THSD7B: variants seen among roughly 807,000 people sequenced by gnomAD.
The protein encoded by THSD7B is thrombospondin type 1 domain containing 7B, also known as thrombospondin type-1 domain-containing protein 7B.
Under a neutral mutation model 213.6 loss-of-function variants are expected in THSD7B, and 138 were observed. That is an observed-to-expected ratio of 0.65 (90% CI 0.56 to 0.74). The LOEUF (loss-of-function observed/expected upper bound fraction) is 0.74, where lower values mean the gene tolerates loss of function less well. Among genes scored for constraint, THSD7B ranks in the 30% least tolerant of loss-of-function variants. The probability of loss-of-function intolerance (pLI) is 0.00; values close to 1 mark genes in which losing one functional copy is unlikely to be tolerated. For synonymous variants in THSD7B, 742 were observed against 687.0 expected (o/e 1.08, Z -1.25); for missense variants, 1,931 against 1,991.5 (o/e 0.97, Z 0.58).
intron 12 of THSD7B, among the ~76,000 whole-genome samples, chr2:137,355,112 A>G (rs903564538): frequency 6.6e-6 from 1 of 152,196 alleles, no homozygotes; most frequent in African/African-American, 2.4e-5. Context: ...AGAAGTAATC[A>G]TGAATGAATA....
At chr2:137,162,598 A>T (rs1680040262) in intron 6 of THSD7B, among the ~76,000 whole-genome samples, 1 of 152,138 alleles carries the variant, frequency 6.6e-6, no homozygotes, top group Non-Finnish European at 1.5e-5. Context: ...TGTTAAATAG[A>T]TGTTTACTAA....
chr2:137,464,525 C>T (rs1262163247), intron 15 of THSD7B, among the ~76,000 whole-genome samples: 7 of 151,964 alleles, frequency 4.6e-5, no homozygotes, highest in African/African-American at 1.7e-4. Flanking sequence ...ACCTGAAGGG[C>T]CAGGGAGCTG....
chr2:137,109,063 A>G (rs1688302077), intron 4 of THSD7B, among the ~76,000 whole-genome samples: 2 of 152,294 alleles, frequency 1.3e-5, no homozygotes, highest in South Asian at 2.1e-4. Context: ...TCCACCTTCA[A>G]AATATATCCC....
intron 2 of THSD7B, among the ~76,000 whole-genome samples, chr2:136,968,202 A>T (rs955245122): frequency 6.6e-6 from 1 of 152,134 alleles, no homozygotes; most frequent in African/African-American, 2.4e-5. Context: ...AACGTGATGA[A>T]ACTAATTTAC....
chr2:137,077,943 G>T (rs1573808428), intron 3 of THSD7B, among the ~76,000 whole-genome samples: 1 of 152,130 alleles, frequency 6.6e-6, no homozygotes, highest in East Asian at 1.9e-4. Context: ...TTCTTCTAGG[G>T]TTTTTATGGT....
At chr2:137,189,571 A>G (rs1426936117) in intron 7 of THSD7B, among the ~76,000 whole-genome samples, 2 of 151,726 alleles carry the variant, frequency 1.3e-5, no homozygotes, top group South Asian at 4.2e-4. Context: ...TGCCCTCCAG[A>G]GCTTGGTTCA....
chr2:137,432,916 CT>C (rs1047445620), intron 14 of THSD7B, among the ~76,000 whole-genome samples: 1 of 152,180 alleles, frequency 6.6e-6, no homozygotes, highest in South Asian at 2.1e-4. Flanking sequence ...GACTTTATCT[CT>C]TTGCTTGTCT....
At chr2:137,521,207 GA>G (rs1461614259) in intron 15 of THSD7B, among the ~76,000 whole-genome samples, 2 of 152,122 alleles carry the variant, frequency 1.3e-5, no homozygotes, top group Non-Finnish European at 2.9e-5. Context: ...CAGATTATGA[GA>G]TTCTATAGTC....
intron 7 of THSD7B, among the ~76,000 whole-genome samples, chr2:137,213,427 A>C (rs1681166062): frequency 6.8e-6 from 1 of 148,106 alleles, no homozygotes; most frequent in Non-Finnish European, 1.5e-5. Flanking sequence ...TAACCTACAT[A>C]ATATATAGAT....
At chr2:136,832,202 T>TGTAC (rs1682768429) in intron 1 of THSD7B, among the ~76,000 whole-genome samples, 1 of 8,652 alleles carries the variant, frequency 1.2e-4, no homozygotes. Flanking sequence ...TGTGTGTGTG[T>TGTAC]ATACACACAC....
At chr2:137,499,040 C>T (rs1355807335) in intron 15 of THSD7B, among the ~76,000 whole-genome samples, 1 of 152,116 alleles carries the variant, frequency 6.6e-6, no homozygotes, top group East Asian at 1.9e-4. Context: ...TGATGGAGAG[C>T]CTGAGTCACA....
chr2:137,108,850 G>A (rs778261257), intron 4 of THSD7B, among the ~76,000 whole-genome samples: 4 of 152,122 alleles, frequency 2.6e-5, no homozygotes, highest in Non-Finnish European at 5.9e-5. Context: ...ACAGATGGTA[G>A]GAGGTAAATG....
chr2:136,790,866 G>C lies in THSD7B; in HGVS notation c.-36+25179G>C, dbSNP rs556405749. Among the ~76,000 whole-genome samples, 10 of 152,178 alleles carry C rather than the reference G, an allele frequency of 6.6e-5. No homozygotes were observed. The South Asian group carries it at 1.9e-3, about 28-fold the overall frequency. On this transcript the variant is annotated intron_variant, in intron 1 of 27. Transcript: ENST00000409968. ...AGCAGAGGAAACTGAGAAAAGAGGAGAGGGGAAACAGCGGGAGTTGATGGA... is the reference window on the plus strand; with the variant it reads ...AGCAGAGGAAACTGAGAAAAGAGGACAGGGGAAACAGCGGGAGTTGATGGA...
chr2:137,346,396 G>A (rs1324926857), intron 12 of THSD7B, among the ~76,000 whole-genome samples: 8 of 151,414 alleles, frequency 5.3e-5, no homozygotes, highest in Non-Finnish European at 1.2e-4. Context: ...CATTCGTGTT[G>A]TAACATATGA....
intron 5 of THSD7B, among the ~76,000 whole-genome samples, chr2:137,144,703 G>C (rs1237357207): frequency 1.3e-5 from 2 of 151,840 alleles, no homozygotes; most frequent in Non-Finnish European, 2.9e-5. Flanking sequence ...TAACTACAGG[G>C]TATTTGCAAC....
chr2:137,637,534 C>A (rs1019562600), intron 20 of THSD7B, among the ~76,000 whole-genome samples: 23 of 152,130 alleles, frequency 1.5e-4, no homozygotes, highest in African/African-American at 5.5e-4. Context: ...AAAAAATATT[C>A]TTGGAAGTCA....
intron 12 of THSD7B, among the ~76,000 whole-genome samples, chr2:137,321,476 C>T (rs959223343): frequency 1.3e-5 from 2 of 152,070 alleles, no homozygotes; most frequent in African/African-American, 4.8e-5. Context: ...CTTATCTGGT[C>T]ACCTATTCCA....
chr2:136,803,376 A>G (rs1172924033), intron 1 of THSD7B, among the ~76,000 whole-genome samples: 1 of 152,170 alleles, frequency 6.6e-6, no homozygotes, highest in Non-Finnish European at 1.5e-5. Context: ...ATTGGTTGCA[A>G]AATTCTTATT....
chr2:136,983,358 G>GACACACAGACACACACACACACACAC lies in THSD7B; in HGVS notation c.140-73055_140-73054insGACACACACACACACACACACACACA, dbSNP rs1553462387. On this transcript the variant is annotated intron_variant, in intron 2 of 27. Transcript: ENST00000409968. ...ACACACACACACACACAGACACACA[G>GACACACAGACACACACACACACACAC]ACACACACACACGCACACACACTCA... Among the ~76,000 whole-genome samples the GACACACAGACACACACACACACACAC allele has an allele frequency of 8.6e-5, 9 of 105,132 alleles. No individual in the cohort carries two copies. The East Asian group carries it at 2.3e-3, about 27-fold the overall frequency. 69.0% of individuals were successfully genotyped at this position (105,132 alleles called of 152,430 possible). A position where few individuals can be genotyped will look rare whatever the true frequency, so the allele number is the denominator to read the frequency against.
Sources: gnomAD v4.1 joint callset for allele counts (sites outside exome capture counted in the v4.1 genomes callset) on GRCh38, gnomAD v4.1.1 for gene constraint, MANE v1.5 for transcripts, NCBI Gene and HGNC (gene_info 2026-07-23, HGNC 2026-07-21) for gene names.